The following VPS13C variants were observed in gnomAD, a reference collection of about 807,000 sequenced individuals.
VPS13C encodes the protein intermembrane lipid transfer protein VPS13C.
VPS13C carries 358 observed loss-of-function variants against 456.8 expected under a neutral mutation model. The ratio of observed to expected loss-of-function variants is 0.78; its 90% CI spans 0.72 to 0.86. The LOEUF is 0.86. VPS13C is among the 40% of genes least tolerant of loss of function. VPS13C has a pLI of 0.00. For missense variants in VPS13C, 4,818 were observed against 4,385.4 expected (o/e 1.10, Z -2.79); for synonymous variants, 1,578 against 1,486.7 (o/e 1.06, Z -1.41).
At position 62,012,166 on chromosome 15, in the gene VPS13C, T is replaced by C. The variant is rs769205655; in HGVS notation, c.826-2A>G. ...AAGAATTTCATTTTTCAGCTGATCC[T>C]AAACAAAAAATTTGAATGAGAATGA... On this transcript the variant is annotated splice_acceptor_variant, in intron 11 of 84. Coordinates refer to ENST00000644861, the MANE Select transcript of VPS13C (RefSeq NM_020821.3). LOFTEE classifies it high-confidence loss of function. 5.6e-5 allele frequency: 86 copies of C among 1,536,920 alleles called. No homozygotes were observed. The highest frequency in any genetic ancestry group is 7.2e-5 in the Non-Finnish European group (80 of 1,115,356).
At chr15:61,950,136 C>A (rs1315302237) in intron 41 of VPS13C, among the ~76,000 whole-genome samples, 1 of 152,152 alleles carries the variant, frequency 6.6e-6, no homozygotes, top group Non-Finnish European at 1.5e-5. Flanking sequence ...GTCAAGAAAT[C>A]TAAGTCAAAA....
intron 83 of VPS13C, among the ~76,000 whole-genome samples, chr15:61,855,567 C>T (rs1222404075): frequency 6.6e-6 from 1 of 152,088 alleles, no homozygotes; most frequent in Non-Finnish European, 1.5e-5. Flanking sequence ...ACAGTACTCA[C>T]ATCTATAGCT....
intron 60 of VPS13C, among the ~76,000 whole-genome samples, chr15:61,916,372 G>C (rs1555418526): frequency 2.6e-5 from 4 of 152,128 alleles, no homozygotes; most frequent in Non-Finnish European, 5.9e-5. Context: ...CTGGCCTTCA[G>C]TTTTATCCTC....
At chr15:61,999,716 T>C (rs1212156731) in intron 16 of VPS13C, among the ~76,000 whole-genome samples, 2 of 151,700 alleles carry the variant, frequency 1.3e-5, no homozygotes, top group Non-Finnish European at 2.9e-5. Context: ...AGAAATGACA[T>C]GGAACACTGC....
chr15:61,861,093 C>A (rs1822537213), intron 82 of VPS13C, among the ~76,000 whole-genome samples: 2 of 151,296 alleles, frequency 1.3e-5, no homozygotes, highest in Admixed American at 6.6e-5. Flanking sequence ...TCCCGAATAG[C>A]TGGGATTACA....
Position 61,860,929 on chromosome 15 carries a change from C to CATGTATGG in VPS13C, c.10952+2503_10952+2510dup, listed in dbSNP as rs1268090087. ...ACTATGTCCTAGGCAAACTAGAACG[C>CATGTATGG]ATGTATGGTTAGTTATTTTCTTTCT... On this transcript the variant is annotated intron_variant, in intron 82 of 84. Coordinates refer to ENST00000644861, the MANE Select transcript of VPS13C (RefSeq NM_020821.3). Among the ~76,000 whole-genome samples the CATGTATGG allele has an allele frequency of 2.7e-5, 4 of 147,946 alleles. No individual in the cohort carries two copies. In the South Asian group the frequency reaches 8.6e-4, roughly 32 times the overall value.
chr15:61,909,065 C>T lies in VPS13C; in HGVS notation c.8905G>A (p.Asp2969Asn). Reference protein sequence around the residue: ...AEHSTVITFSDYHEGSAPALI... With the variant: ...AEHSTVITFSNYHEGSAPALI... ...GCAGGTGCAGATCCCTCATGGTAAT[C>T]AGAAAAAGTTATGACAGTTGAATGT... The change falls in exon 65 of 85, where the codon GAT becomes AAT. Residue 2969 changes from aspartate to asparagine, a missense_variant. Physicochemically the swap from Asp to Asn is conservative, Grantham distance 23 (BLOSUM62 1). Around this residue, in one of 3 missense-constraint regions of VPS13C, gnomAD observed 4,552 missense variants for 4,130.6 expected, o/e 1.10. Coordinates refer to ENST00000644861, the MANE Select transcript of VPS13C (RefSeq NM_020821.3). 1 of 1,613,238 alleles carries T rather than the reference C, an allele frequency of 6.2e-7. No individual in the cohort carries two copies. The highest frequency in any genetic ancestry group is 8.5e-7 in the Non-Finnish European group (1 of 1,179,846).
At chr15:61,966,289 T>C in intron 29 of VPS13C, 147 bp from the exon 30 acceptor site, 1 of 478,118 alleles carries the variant, frequency 2.1e-6, no homozygotes, top group Non-Finnish European at 3.6e-6. Flanking sequence ...ATTTTAAATT[T>C]ACATCCAAAT....
In VPS13C at chr15:61,989,300, T is replaced by C. The variant is rs902757041; in HGVS notation, c.1578+1700A>G. 3.4e-4 allele frequency among the ~76,000 whole-genome samples: 52 copies of C among 151,808 alleles called. 1 individual carries two copies. The highest frequency in any genetic ancestry group is 1.2e-3 in the East Asian group (6 of 5,152). ...CTGTAATTCCAGCTACTCGGGTGGCTTGAGGCAGGAGACTCACTTCAACCC... is the reference window on the plus strand; with the variant it reads ...CTGTAATTCCAGCTACTCGGGTGGCCTGAGGCAGGAGACTCACTTCAACCC... On this transcript the variant is annotated intron_variant, in intron 18 of 84. Coordinates refer to ENST00000644861, the MANE Select transcript of VPS13C (RefSeq NM_020821.3).
In VPS13C at chr15:61,974,432, C is replaced by A. The variant is rs1260475812; in HGVS notation, c.2409-15G>T. On this transcript the variant is annotated splice_polypyrimidine_tract_variant and intron_variant, in intron 24 of 84. Coordinates refer to ENST00000644861, the MANE Select transcript of VPS13C (RefSeq NM_020821.3). ...ACACTTTAAATCTAAAAATACAATT[C>A]AGTGGTTTTAAGTCAGCATCTCTAC... 6.2e-7 allele frequency: 1 copy of A among 1,609,516 alleles called. No homozygotes were observed. The highest frequency in any genetic ancestry group is 8.5e-7 in the Non-Finnish European group (1 of 1,177,350).
chr15:62,049,364 C>T (rs1375977025), intron 1 of VPS13C, among the ~76,000 whole-genome samples: 4 of 152,202 alleles, frequency 2.6e-5, no homozygotes, highest in Non-Finnish European at 5.9e-5. Context: ...ATAGGGAATC[C>T]TTTCCCCATT....
At chr15:62,003,195 T>G (rs916730618) in intron 15 of VPS13C, among the ~76,000 whole-genome samples, 1 of 151,820 alleles carries the variant, frequency 6.6e-6, no homozygotes, top group African/African-American at 2.4e-5. Flanking sequence ...TTTATTTCAT[T>G]GAGCAGTGGT....
At position 62,023,532 on chromosome 15, in the gene VPS13C, T is replaced by C. The variant is rs185299325; in HGVS notation, c.515-12A>G. 5.8e-5 allele frequency: 90 copies of C among 1,540,128 alleles called. No homozygotes were observed. In the East Asian group the frequency reaches 1.7e-3, roughly 29 times the overall value. ...TTCTTTTGGCTTATCTATTAAAAAA[T>C]AGAAAAATACAAGCTCAAGAGTTGA... On this transcript the variant is annotated splice_polypyrimidine_tract_variant and intron_variant, in intron 7 of 84. Coordinates refer to ENST00000644861, the MANE Select transcript of VPS13C (RefSeq NM_020821.3).
chr15:61,950,816 G>T, intron 40 of VPS13C, 129 bp downstream of exon 40: 1 of 652,772 alleles, frequency 1.5e-6, no homozygotes, highest in Non-Finnish European at 2.5e-6. Context: ...TCAGATGCTT[G>T]CAAAATTCAC....
chr15:61,984,727 C>T (rs771334493), intron 19 of VPS13C, 130 bp downstream of exon 19: 56 of 899,582 alleles, frequency 6.2e-5, no homozygotes, highest in Non-Finnish European at 9.1e-5. Flanking sequence ...TATAAAAAGG[C>T]TATCTTGACA....
chr15:62,032,170 G>A (rs2047842020), intron 5 of VPS13C, among the ~76,000 whole-genome samples: 1 of 151,674 alleles, frequency 6.6e-6, no homozygotes, highest in Admixed American at 6.6e-5. Context: ...TCAAGAAAAA[G>A]TGAAATTCTA....
At chr15:62,045,978 C>T (rs1362368613) in intron 1 of VPS13C, among the ~76,000 whole-genome samples, 1 of 152,076 alleles carries the variant, frequency 6.6e-6, no homozygotes, top group Non-Finnish European at 1.5e-5. Context: ...GCATTCCACA[C>T]ATACATAGAA....
chr15:61,926,261 CA>C (rs1221700074), intron 52 of VPS13C, among the ~76,000 whole-genome samples: 1 of 152,038 alleles, frequency 6.6e-6, no homozygotes, highest in Non-Finnish European at 1.5e-5. Flanking sequence ...AAAACAAAAA[CA>C]AAACTAGCCA....
intron 27 of VPS13C, among the ~76,000 whole-genome samples, chr15:61,971,245 T>C (rs993644258): frequency 2.0e-5 from 3 of 152,112 alleles, no homozygotes; most frequent in African/African-American, 7.2e-5. Context: ...GATCTGACAT[T>C]CCCTTTTATT....
Sources: allele counts gnomAD v4.1 joint callset (sites outside exome capture counted in the v4.1 genomes callset), GRCh38; gene constraint gnomAD v4.1.1; regional missense constraint gnomAD v4.1.1; transcripts MANE v1.5; gene names NCBI Gene and HGNC (gene_info 2026-07-23, HGNC 2026-07-21).